VPS13A: variants seen among roughly 807,000 people sequenced by gnomAD.
VPS13A encodes the protein vacuolar protein sorting 13 homolog A, also known as intermembrane lipid transfer protein VPS13A.
VPS13A carries 264 observed loss-of-function variants against 390.9 expected under a neutral mutation model. That is an observed-to-expected ratio of 0.68 (90% CI 0.61 to 0.75). The LOEUF (loss-of-function observed/expected upper bound fraction) is 0.75, where lower values mean the gene tolerates loss of function less well. Among genes scored for constraint, VPS13A ranks in the 30% least tolerant of loss-of-function variants. The probability of loss-of-function intolerance (pLI) is 0.00; values close to 1 mark genes in which losing one functional copy is unlikely to be tolerated. For missense variants in VPS13A, 3,409 were observed against 3,733.9 expected (o/e 0.91, Z 2.27); for synonymous variants, 1,231 against 1,227.1 (o/e 1.00, Z -0.07).
chr9:77,280,497 G>C (rs1271451606), intron 27 of VPS13A, among the ~76,000 whole-genome samples: 1 of 151,902 alleles, frequency 6.6e-6, no homozygotes, highest in East Asian at 1.9e-4. Context: ...TCCCAACAGG[G>C]GTACTGAGAA....
chr9:77,276,142 A>C lies in VPS13A; in HGVS notation c.2745A>C (p.Ala915=). 2 of 1,613,248 alleles carry C rather than the reference A, an allele frequency of 1.2e-6. No homozygotes were observed. Among genetic ancestry groups the C allele is most frequent in the Non-Finnish European group, 1.7e-6 (2 of 1,179,566 alleles). The change falls in exon 26 of 72, where the codon GCA becomes GCC. Residue 915 remains alanine, a synonymous_variant. Coordinates refer to ENST00000360280, the MANE Select transcript of VPS13A (RefSeq NM_033305.3). ...AAATTCTTGTTTTAGGATTGGGTGC[A>C]GAAATTGAGATTAGAACATACGATT... ...VVEILVLGLG[A]EIEIRTYDLK...
intron 32 of VPS13A, 149 bp downstream of exon 32, chr9:77,293,657 G>A (rs896955437): frequency 5.0e-6 from 2 of 396,784 alleles, no homozygotes; most frequent in Non-Finnish European, 8.6e-6. Context: ...CATAATAAAT[G>A]TGTAGTTCCT....
chr9:77,332,406 C>A (rs979592166), intron 46 of VPS13A, among the ~76,000 whole-genome samples: 1 of 151,600 alleles, frequency 6.6e-6, no homozygotes, highest in Non-Finnish European at 1.5e-5. Flanking sequence ...ATAGATCATG[C>A]CTGGTGGTTT....
At position 77,295,612 on chromosome 9, in the gene VPS13A, C is replaced by T. The variant is rs1460578030; in HGVS notation, c.3578C>T (p.Ala1193Val). Residue 1193 changes from alanine to valine, a missense_variant, in exon 33 of 72, where the codon GCT becomes GTT. Coordinates refer to ENST00000360280, the MANE Select transcript of VPS13A (RefSeq NM_033305.3). Reference sequence around the variant, plus strand: ...GCAACTGTTCAGGCAGCTGGAATGGCTGCTACTGGTGTAAAAGAACTCGCA... The same window carrying T: ...GCAACTGTTCAGGCAGCTGGAATGGTTGCTACTGGTGTAAAAGAACTCGCA... ...AEATVQAAGM[A>V]ATGVKELAQR... 6.2e-7 allele frequency: 1 copy of T among 1,613,744 alleles called. No individual in the cohort carries two copies. Among genetic ancestry groups the T allele is most frequent in the Admixed American group, 1.7e-5 (1 of 59,956 alleles).
At chr9:77,410,320 G>T (rs189700104) in intron 71 of VPS13A, among the ~76,000 whole-genome samples, 3 of 151,806 alleles carry the variant, frequency 2.0e-5, no homozygotes, top group East Asian at 1.9e-4. Context: ...AGGAACAACC[G>T]GTACCAGCCA....
At chr9:77,303,407 G>A (rs1014678565) in intron 34 of VPS13A, among the ~76,000 whole-genome samples, 4 of 151,856 alleles carry the variant, frequency 2.6e-5, no homozygotes, top group Non-Finnish European at 4.4e-5. Context: ...TATAAATTGT[G>A]GTAAATTTAA....
In VPS13A at chr9:77,370,889, G is replaced by C; in HGVS notation, c.8908-1G>C. The C allele has an allele frequency of 1.2e-6, 2 of 1,612,930 alleles. No individual in the cohort carries two copies. The highest frequency in any genetic ancestry group is 2.2e-5 in the South Asian group (2 of 91,016). Reference sequence around the variant, plus strand: ...AATTTTCAGTTGTGTTTTCCTTCTAGGGATTTGTTAGTGGCATAACAGGAA... The same window carrying C: ...AATTTTCAGTTGTGTTTTCCTTCTACGGATTTGTTAGTGGCATAACAGGAA... On this transcript the variant is annotated splice_acceptor_variant, in intron 65 of 71. Transcript: ENST00000360280. LOFTEE classifies it high-confidence loss of function.
At chr9:77,266,987 C>T (rs886663721) in intron 23 of VPS13A, among the ~76,000 whole-genome samples, 11 of 151,998 alleles carry the variant, frequency 7.2e-5, no homozygotes, top group African/African-American at 2.7e-4. Flanking sequence ...TCACGAAGTT[C>T]TCATGCTGTG....
At chr9:77,296,122 A>G (rs1384187877) in intron 33 of VPS13A, among the ~76,000 whole-genome samples, 1 of 152,212 alleles carries the variant, frequency 6.6e-6, no homozygotes, top group African/African-American at 2.4e-5. Flanking sequence ...TTTGTGGTTC[A>G]TTATAAATTA....
Position 77,414,991 on chromosome 9 carries a change from T to A in VPS13A, c.9475-965T>A, listed in dbSNP as rs1423755237. On this transcript the variant is annotated intron_variant, in intron 71 of 71. Transcript: ENST00000360280. Reference sequence around the variant, plus strand: ...CCAGTTAACATGTCCTATGCAATTTTCTATCTAGACATTCTGATATAAGGC... The same window carrying A: ...CCAGTTAACATGTCCTATGCAATTTACTATCTAGACATTCTGATATAAGGC... 3.9e-5 allele frequency among the ~76,000 whole-genome samples: 6 copies of A among 152,152 alleles called. No individual in the cohort carries two copies. The East Asian group carries it at 1.2e-3, about 29-fold the overall frequency.
intron 70 of VPS13A, among the ~76,000 whole-genome samples, chr9:77,406,376 C>T: frequency 6.6e-6 from 1 of 152,036 alleles, no homozygotes; most frequent in Non-Finnish European, 1.5e-5. Context: ...GATTTCTTCC[C>T]CTTCCCCCTT....
At chr9:77,341,690 C>CTTTTTTTT (rs1830821898) in intron 50 of VPS13A, among the ~76,000 whole-genome samples, 3 of 23,562 alleles carry the variant, frequency 1.3e-4, no homozygotes, top group African/African-American at 5.7e-4. Flanking sequence ...GGACATCTTT[C>CTTTTTTTT]CTTTTTTTTT....
chr9:77,219,143 T>C (rs555883706), intron 10 of VPS13A, among the ~76,000 whole-genome samples: 1 of 151,902 alleles, frequency 6.6e-6, no homozygotes, highest in Admixed American at 6.6e-5. Context: ...CACCAGCCAC[T>C]AAATTTATTT....
chr9:77,186,091 C>T (rs1482528621), intron 1 of VPS13A, among the ~76,000 whole-genome samples: 1 of 152,174 alleles, frequency 6.6e-6, no homozygotes, highest in Non-Finnish European at 1.5e-5. Flanking sequence ...TCACTCTAGC[C>T]TGGGCGACAG....
At chr9:77,380,906 G>T (rs1357308012) in intron 67 of VPS13A, among the ~76,000 whole-genome samples, 1 of 152,210 alleles carries the variant, frequency 6.6e-6, no homozygotes, top group African/African-American at 2.4e-5. Context: ...AGGAGGTGGA[G>T]CTCAGGCAGT....
intron 46 of VPS13A, among the ~76,000 whole-genome samples, chr9:77,333,053 T>G (rs1830359889): frequency 6.6e-6 from 1 of 152,218 alleles, no homozygotes; most frequent in Non-Finnish European, 1.5e-5. Flanking sequence ...AACAACAAAA[T>G]AGTCATTTAC....
Position 77,278,717 on chromosome 9 carries a change from T to C in VPS13A, c.2825-1442T>C, listed in dbSNP as rs530549108. 2.0e-5 allele frequency among the ~76,000 whole-genome samples: 3 copies of C among 152,316 alleles called. No individual in the cohort carries two copies. In the South Asian group the frequency reaches 6.2e-4, roughly 32 times the overall value. On this transcript the variant is annotated intron_variant, in intron 26 of 71. Coordinates refer to ENST00000360280, the MANE Select transcript of VPS13A (RefSeq NM_033305.3). ...TTTTTCTCAGGAATTGTAGGATTAG[T>C]TTGTAGTCCTTTCTTCCAGTCTTTA... is the stretch of plus-strand genomic sequence containing the variant.
At chr9:77,280,385 G>C (rs1329017172) in intron 27 of VPS13A, 147 bp downstream of exon 27, 1 of 596,502 alleles carries the variant, frequency 1.7e-6, no homozygotes, top group Non-Finnish European at 2.9e-6. Context: ...TTTTTATTTT[G>C]TCATCTTGTA....
chr9:77,326,310 G>A (rs943825089), intron 45 of VPS13A, among the ~76,000 whole-genome samples: 2 of 151,882 alleles, frequency 1.3e-5, no homozygotes, highest in Non-Finnish European at 2.9e-5. Flanking sequence ...ATCAACTTTA[G>A]AAAACTTTTT....
Sources: gnomAD v4.1 joint callset for allele counts (sites outside exome capture counted in the v4.1 genomes callset) on GRCh38, gnomAD v4.1.1 for gene constraint, MANE v1.5 for transcripts, NCBI Gene and HGNC (gene_info 2026-07-23, HGNC 2026-07-21) for gene names.